KIRREL3: variants seen among roughly 807,000 people sequenced by gnomAD.
KIRREL3 encodes the protein kirre like nephrin family adhesion molecule 3.
KIRREL3 carries 36 observed loss-of-function variants against 89.7 expected under a neutral mutation model. The ratio of observed to expected loss-of-function variants is 0.40; its 90% CI spans 0.31 to 0.53. The LOEUF is 0.53. Among genes scored for constraint, KIRREL3 ranks in the 20% least tolerant of loss-of-function variants. The pLI, the probability that KIRREL3 is intolerant of heterozygous loss-of-function variation, is 0.49. For synonymous variants in KIRREL3, 445 were observed against 441.4 expected (o/e 1.01, Z -0.10); for missense variants, 864 against 1,056.6 (o/e 0.82, Z 2.53).
At chr11:126,962,494 A>C (rs1949123274) in intron 1 of KIRREL3, among the ~76,000 whole-genome samples, 1 of 152,182 alleles carries the variant, frequency 6.6e-6, no homozygotes. Context: ...GTAAGATTTT[A>C]GTGGATGAGG....
At chr11:126,801,921 G>A (rs1339651327) in intron 1 of KIRREL3, among the ~76,000 whole-genome samples, 1 of 149,268 alleles carries the variant, frequency 6.7e-6, no homozygotes, top group Non-Finnish European at 1.5e-5. Context: ...GCTACAGAGT[G>A]AGACGCTGTC....
At position 126,677,435 on chromosome 11, in the gene KIRREL3, T is replaced by G. The variant is rs918791586; in HGVS notation, c.56-114523A>C. On this transcript the variant is annotated intron_variant, in intron 1 of 16. Transcript: ENST00000525144. This position sits in a 1 kb window ranked among gnomAD's most constrained non-coding sequence, Gnocchi z 5.1. The stretch of plus-strand genomic sequence containing the variant: ...AGGATGTTGGCATAGTCTGGGTGCT[T>G]TGCTATCTATTATCTCCTCTAATTC... 2.0e-5 allele frequency among the ~76,000 whole-genome samples: 3 copies of G among 152,190 alleles called. No homozygotes were observed. Among genetic ancestry groups the G allele is most frequent in the African/African-American group, 7.2e-5 (3 of 41,444 alleles).
rs1327431904 is a variant in KIRREL3, at chr11:126,579,643, G to A, written c.56-16731C>T. On this transcript the variant is annotated intron_variant, in intron 1 of 16. Coordinates refer to ENST00000525144, the MANE Select transcript of KIRREL3 (RefSeq NM_032531.4). The surrounding 1 kb of genome is among the most constrained non-coding windows in gnomAD (Gnocchi z 5.3). ...AATGCACCACCTGTGGCCCTAGAGTGGGGAGCATTGAGGTTGGATGGCATT... is the reference window on the plus strand; with the variant it reads ...AATGCACCACCTGTGGCCCTAGAGTAGGGAGCATTGAGGTTGGATGGCATT... 6.6e-6 allele frequency among the ~76,000 whole-genome samples: 1 copy of A among 152,074 alleles called. No homozygotes were observed. The highest frequency in any genetic ancestry group is 1.5e-5 in the Non-Finnish European group (1 of 68,020).
In KIRREL3 at chr11:126,635,593, C is replaced by T. The variant is rs569841237; in HGVS notation, c.56-72681G>A. On this transcript the variant is annotated intron_variant, in intron 1 of 16. Transcript: ENST00000525144. The surrounding 1 kb of genome is among the most constrained non-coding windows in gnomAD (Gnocchi z 4.0). ...CATTGTACACCCCCAGCAACGAGCCCCCCTGCCAGCCCAGAGTAACCAGAG... is the reference window on the plus strand; with the variant it reads ...CATTGTACACCCCCAGCAACGAGCCTCCCTGCCAGCCCAGAGTAACCAGAG... Among the ~76,000 whole-genome samples, 1 of 152,196 alleles carries T rather than the reference C, an allele frequency of 6.6e-6. No individual in the cohort carries two copies. The highest frequency in any genetic ancestry group is 2.1e-4 in the South Asian group (1 of 4,826).
rs1027990725 is a variant in KIRREL3, at chr11:126,771,426, T to A, written c.56-208514A>T. Reference sequence around the variant, plus strand: ...TGTGCCCTGCCTGGAATCTCCTTCATGGTATTTAAAGCTGTTATTAATTAT... The same window carrying A: ...TGTGCCCTGCCTGGAATCTCCTTCAAGGTATTTAAAGCTGTTATTAATTAT... On this transcript the variant is annotated intron_variant, in intron 1 of 16. Coordinates refer to ENST00000525144, the MANE Select transcript of KIRREL3 (RefSeq NM_032531.4). The surrounding 1 kb of genome is among the most constrained non-coding windows in gnomAD (Gnocchi z 4.4). Among the ~76,000 whole-genome samples the A allele has an allele frequency of 6.6e-6, 1 of 152,224 alleles. No homozygotes were observed. Among genetic ancestry groups the A allele is most frequent in the East Asian group, 1.9e-4 (1 of 5,196 alleles).
At chr11:126,445,143 G>C in intron 9 of KIRREL3, 38 bp from the exon 10 acceptor site, 2 of 1,609,686 alleles carry the variant, frequency 1.2e-6, no homozygotes, top group South Asian at 2.2e-5. Flanking sequence ...AAGAGCAGGC[G>C]GAGGGGTGCA....
At chr11:126,572,580 CCCG>C (rs1162516701) in intron 1 of KIRREL3, among the ~76,000 whole-genome samples, 4,030 of 97,058 alleles carry the variant, frequency 0.042, 176 homozygotes, top group African/African-American at 0.14. Flanking sequence ...GGACCCCCCC[CCCG>C]CCAAGCAGGT....
chr11:126,478,637 GTA>G (rs1957137194), intron 4 of KIRREL3, among the ~76,000 whole-genome samples: 3 of 147,754 alleles, frequency 2.0e-5, no homozygotes, highest in South Asian at 2.1e-4. Context: ...GTATGCGTGT[GTA>G]TGTGTGTATG....
rs1485300477 is a variant in KIRREL3 at position 126,430,479 on chromosome 11, A to T, written c.1696+940T>A. Among the ~76,000 whole-genome samples the T allele has an allele frequency of 2.0e-5, 3 of 152,102 alleles. No homozygotes were observed. Among genetic ancestry groups the T allele is most frequent in the African/African-American group, 7.2e-5 (3 of 41,420 alleles). Reference sequence around the variant, plus strand: ...CGTATATATATGTGTATATATGCGTATGTGTATATATTTGTATGCTTCCCT... The same window carrying T: ...CGTATATATATGTGTATATATGCGTTTGTGTATATATTTGTATGCTTCCCT... On this transcript the variant is annotated intron_variant, in intron 14 of 16. Coordinates refer to ENST00000525144, the MANE Select transcript of KIRREL3 (RefSeq NM_032531.4). This position sits in a 1 kb window ranked among gnomAD's most constrained non-coding sequence, Gnocchi z 6.6.
Position 126,455,684 on chromosome 11 carries a change from T to C in KIRREL3, c.848+665A>G, listed in dbSNP as rs1422590531. On this transcript the variant is annotated intron_variant, in intron 7 of 16. Transcript: ENST00000525144. The surrounding 1 kb of genome is among the most constrained non-coding windows in gnomAD (Gnocchi z 6.4). ...GGTGGCGGGCGCCTGTAGTCCCAGC[T>C]ACTTGGGAGGCTGAGGCGGGAGAAT... is the stretch of plus-strand genomic sequence containing the variant. Among the ~76,000 whole-genome samples the C allele has an allele frequency of 2.0e-5, 3 of 151,086 alleles. No homozygotes were observed. Among genetic ancestry groups the C allele is most frequent in the Non-Finnish European group, 2.9e-5 (2 of 67,898 alleles).
In KIRREL3 at chr11:126,636,173, C is replaced by T. The variant is rs1944257790; in HGVS notation, c.56-73261G>A. ...TTTGTAAAAATGGGAAGGGTAATAG[C>T]ACTATCCTTAGCATTATAAAATAAT... On this transcript the variant is annotated intron_variant, in intron 1 of 16. Transcript: ENST00000525144. This position sits in a 1 kb window ranked among gnomAD's most constrained non-coding sequence, Gnocchi z 4.4. 6.6e-6 allele frequency among the ~76,000 whole-genome samples: 1 copy of T among 152,192 alleles called. No individual in the cohort carries two copies. Among genetic ancestry groups the T allele is most frequent in the Admixed American group, 6.5e-5 (1 of 15,278 alleles).
At chr11:126,828,162 G>A (rs1469438288) in intron 1 of KIRREL3, among the ~76,000 whole-genome samples, 1 of 152,158 alleles carries the variant, frequency 6.6e-6, no homozygotes, top group Non-Finnish European at 1.5e-5. Context: ...TAATTCATCC[G>A]ATTCTTCATC....
intron 1 of KIRREL3, among the ~76,000 whole-genome samples, chr11:126,975,338 G>T (rs993510667): frequency 6.6e-6 from 1 of 152,128 alleles, no homozygotes; most frequent in Non-Finnish European, 1.5e-5. Flanking sequence ...TGAATAGAGG[G>T]TTGACTGCCC....
intron 1 of KIRREL3, among the ~76,000 whole-genome samples, chr11:126,649,312 G>A (rs1159493955): frequency 1.3e-5 from 2 of 152,036 alleles, no homozygotes; most frequent in African/African-American, 4.8e-5. Flanking sequence ...AACCTATCAG[G>A]CCTTCCCCTC....
At chr11:126,832,388 G>A (rs531371572) in intron 1 of KIRREL3, among the ~76,000 whole-genome samples, 10 of 152,260 alleles carry the variant, frequency 6.6e-5, no homozygotes, top group Admixed American at 2.6e-4. Context: ...ACATGTGAAA[G>A]TTATAATAGC....
At position 126,569,222 on chromosome 11, in the gene KIRREL3, T is replaced by C. The variant is rs971342068; in HGVS notation, c.56-6310A>G. On this transcript the variant is annotated intron_variant, in intron 1 of 16. Coordinates refer to ENST00000525144, the MANE Select transcript of KIRREL3 (RefSeq NM_032531.4). This position sits in a 1 kb window ranked among gnomAD's most constrained non-coding sequence, Gnocchi z 6.5. The stretch of plus-strand genomic sequence containing the variant: ...AAGCCTATTAAGTCACAGGTGATAA[T>C]GGTACATTTCTGGACTTACTGTGTT... 6.6e-6 allele frequency among the ~76,000 whole-genome samples: 1 copy of C among 152,208 alleles called. No homozygotes were observed. Among genetic ancestry groups the C allele is most frequent in the African/African-American group, 2.4e-5 (1 of 41,446 alleles).
At chr11:126,464,888 C>T (rs1349007293) in intron 5 of KIRREL3, among the ~76,000 whole-genome samples, 1 of 152,184 alleles carries the variant, frequency 6.6e-6, no homozygotes, top group East Asian at 1.9e-4. Flanking sequence ...GAAGCAAACC[C>T]ATCTTAACTG....
intron 11 of KIRREL3, among the ~76,000 whole-genome samples, chr11:126,439,140 G>GGCCA (rs1565450677): frequency 6.6e-6 from 1 of 152,156 alleles, no homozygotes; most frequent in Non-Finnish European, 1.5e-5. Flanking sequence ...AGACCAGCTT[G>GGCCA]GCCAACATGG....
At chr11:126,862,368 T>C (rs1944732422) in intron 1 of KIRREL3, among the ~76,000 whole-genome samples, 1 of 152,164 alleles carries the variant, frequency 6.6e-6, no homozygotes, top group Admixed American at 6.5e-5. Context: ...TTGTAACGAG[T>C]AATTATCCCA....
Sources: gnomAD v4.1 joint callset for allele counts (sites outside exome capture counted in the v4.1 genomes callset) on GRCh38, gnomAD v4.1.1 for gene constraint, Gnocchi (gnomAD v3.1) non-coding constraint, MANE v1.5 for transcripts, NCBI Gene and HGNC (gene_info 2026-07-23, HGNC 2026-07-21) for gene names.